The following CAST variants were observed in gnomAD, a reference collection of about 807,000 sequenced individuals.
CAST encodes the protein calpastatin, also known as MIR583 host.
CAST carries 76 observed loss-of-function variants against 119.6 expected under a neutral mutation model. The ratio of observed to expected loss-of-function variants is 0.64; its 90% CI spans 0.53 to 0.77. The LOEUF is 0.77. CAST is among the 30% of genes least tolerant of loss of function. The pLI is 0.00. For synonymous variants in CAST, 319 were observed against 331.6 expected (o/e 0.96, Z 0.41); for missense variants, 953 against 946.5 (o/e 1.01, Z -0.09).
At chr5:96,155,215 G>A in the CAST span, among the ~76,000 whole-genome samples, 1 of 152,180 alleles carries the variant, frequency 6.6e-6, no homozygotes, top group African/African-American at 2.4e-5. Flanking sequence ...CCACGCTGGT[G>A]ACAGAAGAGA....
chr5:96,357,732 C>T, the CAST span, among the ~76,000 whole-genome samples: 2 of 151,896 alleles, frequency 1.3e-5, no homozygotes, highest in Admixed American at 1.3e-4. Flanking sequence ...ATTTGGTTTG[C>T]CAGTATTTTA....
intron 1 of CAST, among the ~76,000 whole-genome samples, chr5:96,568,096 T>G (rs1273629779): frequency 6.6e-6 from 1 of 152,176 alleles, no homozygotes; most frequent in Non-Finnish European, 1.5e-5. Context: ...TGAAAACCTC[T>G]TTTCTGGGTA....
chr5:96,555,605 C>T (rs76403644), intron 1 of CAST, among the ~76,000 whole-genome samples: 1 of 152,210 alleles, frequency 6.6e-6, no homozygotes, highest in African/African-American at 2.4e-5. Flanking sequence ...AAGGGTCCTA[C>T]GCCCATGGAG....
chr5:96,186,011 C>T, the CAST span, among the ~76,000 whole-genome samples: 1 of 152,092 alleles, frequency 6.6e-6, no homozygotes. Flanking sequence ...TTGATTGTGT[C>T]CTGTCTGATT....
upstream of CAST, among the ~76,000 whole-genome samples, chr5:96,520,618 T>C (rs115873330): frequency 4.9e-4 from 75 of 152,268 alleles, 2 homozygotes; most frequent in African/African-American, 1.6e-3. Context: ...TCTATGTATA[T>C]GTGTGTGTGC....
chr5:96,624,061 C>T (rs1747669597), intron 1 of CAST, among the ~76,000 whole-genome samples: 1 of 152,188 alleles, frequency 6.6e-6, no homozygotes, highest in Non-Finnish European at 1.5e-5. Context: ...AAGTAGCACT[C>T]AAAGTGTTCT....
intron 1 of CAST, among the ~76,000 whole-genome samples, chr5:96,591,881 G>T (rs1746967895): frequency 6.6e-6 from 1 of 152,166 alleles, no homozygotes; most frequent in African/African-American, 2.4e-5. Context: ...ACAAGACTGG[G>T]TGGTCACTTT....
At chr5:96,495,328 G>A in the CAST span, among the ~76,000 whole-genome samples, 1 of 151,844 alleles carries the variant, frequency 6.6e-6, no homozygotes, top group African/African-American at 2.4e-5. Flanking sequence ...GTATACATGC[G>A]CCATGGTGGT....
At chr5:96,045,853 A>G in the CAST span, among the ~76,000 whole-genome samples, 1 of 152,312 alleles carries the variant, frequency 6.6e-6, no homozygotes, top group Non-Finnish European at 1.5e-5. Flanking sequence ...TATAGGTACA[A>G]AAAAGTTTCT....
chr5:96,257,301 A>G, the CAST span, among the ~76,000 whole-genome samples: 10 of 152,214 alleles, frequency 6.6e-5, no homozygotes, highest in Admixed American at 1.3e-4. Flanking sequence ...GCCAGTGTGC[A>G]TGTGTAGAGG....
rs1561417170 is a variant in CAST at position 96,561,797 on chromosome 5, T to TTTTTTTGTTTTG, written c.60+31923_60+31924insGTTTTGTTTTTT. 3.9e-5 allele frequency among the ~76,000 whole-genome samples: 3 copies of TTTTTTTGTTTTG among 76,646 alleles called. 1 individual carries two copies. The highest frequency in any genetic ancestry group is 9.5e-5 in the African/African-American group (2 of 21,160). 50.3% of individuals were successfully genotyped at this position (76,646 alleles called of 152,430 possible). A position where few individuals can be genotyped will look rare whatever the true frequency, so the allele number is the denominator to read the frequency against. On this transcript the variant is annotated intron_variant, in intron 1 of 11. Transcript: ENST00000505143. ...TGTATTATATATATGTTTTTTTTTG[T>TTTTTTTGTTTTG]TTTTTTTTTTTTTGAGACGGAGTCT...
At chr5:96,425,986 T>G in the CAST span, 1 of 921,906 alleles carries the variant, frequency 1.1e-6, no homozygotes, top group Non-Finnish European at 1.8e-6. Flanking sequence ...CTCTGTATAC[T>G]TCCTCTAACT....
chr5:96,530,291 A>C (rs1327551685), intron 1 of CAST, among the ~76,000 whole-genome samples: 1 of 152,094 alleles, frequency 6.6e-6, no homozygotes, highest in Non-Finnish European at 1.5e-5. Context: ...AGCCATGCAA[A>C]TAGAGAAGAA....
chr5:96,278,463 G>A, the CAST span: 1 of 152,192 alleles, frequency 6.6e-6, no homozygotes, highest in African/African-American at 2.4e-5. Context: ...ATGGAATGGG[G>A]AATGGGGTGG....
the CAST span, among the ~76,000 whole-genome samples, chr5:96,474,399 T>TA: frequency 6.7e-6 from 1 of 149,966 alleles, no homozygotes; most frequent in Non-Finnish European, 1.5e-5. Flanking sequence ...ATCATCTCCA[T>TA]ATTCAAAGTC....
At chr5:96,389,812 G>A in the CAST span, among the ~76,000 whole-genome samples, 2 of 152,238 alleles carry the variant, frequency 1.3e-5, no homozygotes, top group South Asian at 2.1e-4. Context: ...GTGCACACCT[G>A]TAGTCCCAGC....
At chr5:96,214,616 G>A in the CAST span, among the ~76,000 whole-genome samples, 3 of 152,198 alleles carry the variant, frequency 2.0e-5, no homozygotes, top group Non-Finnish European at 1.5e-5. Context: ...CAAAGAATAA[G>A]ATAGACAAGG....
the CAST span, among the ~76,000 whole-genome samples, chr5:96,104,541 T>A: frequency 6.6e-6 from 1 of 152,240 alleles, no homozygotes; most frequent in South Asian, 2.1e-4. Flanking sequence ...GATCAGATAG[T>A]TGCAGATATG....
At chr5:96,634,865 C>T (rs1365691483) in intron 1 of CAST, among the ~76,000 whole-genome samples, 1 of 152,216 alleles carries the variant, frequency 6.6e-6, no homozygotes, top group Non-Finnish European at 1.5e-5. Flanking sequence ...TGCATTCTGA[C>T]TGTGCGATTT....
Sources: gnomAD v4.1 joint callset for allele counts (sites outside exome capture counted in the v4.1 genomes callset) on GRCh38, gnomAD v4.1.1 for gene constraint, MANE v1.5 for transcripts, NCBI Gene and HGNC (gene_info 2026-07-23, HGNC 2026-07-21) for gene names.